NR2C1: variants seen among roughly 807,000 people sequenced by gnomAD.
NR2C1 encodes the protein TR2 nuclear hormone receptor.
NR2C1 carries 33 observed loss-of-function variants against 74.8 expected under a neutral mutation model. The ratio of observed to expected loss-of-function variants is 0.44; its 90% CI spans 0.33 to 0.59. The LOEUF is 0.59. Among genes scored for constraint, NR2C1 ranks in the 20% least tolerant of loss-of-function variants. The probability of loss-of-function intolerance (pLI) is 0.02; values close to 1 mark genes in which losing one functional copy is unlikely to be tolerated. For synonymous variants in NR2C1, 225 were observed against 240.6 expected, an observed-to-expected ratio of 0.94 and a Z score of 0.60; for missense variants, 568 against 715.6, an observed-to-expected ratio of 0.79 and a Z score of 2.35.
rs555536752 is a variant in NR2C1 at position 95,023,136 on chromosome 12, AAT to A, written c.1638-735_1638-734del. On this transcript the variant is annotated intron_variant, in intron 13 of 13. Transcript: ENST00000333003. ...GTGAAACCTCATCTCTACTAAAAAA[AAT>A]AATAATAAAATAAAATAAAATCAGC... Among the ~76,000 whole-genome samples the A allele has an allele frequency of 3.5e-3, 535 of 152,098 alleles. 4 individuals are homozygous for A. The highest frequency in any genetic ancestry group is 0.012 in the African/African-American group (511 of 41,472).
rs1393574215 is a variant in NR2C1 at position 95,058,126 on chromosome 12, G to A, written c.544+184C>T. ...ACTACAAATACGTGCTTTTTACACAGGTATTCAATAAATATTAGTTGAATA... is the reference window on the plus strand; with the variant it reads ...ACTACAAATACGTGCTTTTTACACAAGTATTCAATAAATATTAGTTGAATA... On this transcript the variant is annotated intron_variant, in intron 5 of 13. Coordinates refer to ENST00000333003, the MANE Select transcript of NR2C1 (RefSeq NM_003297.4). 9.4e-6 allele frequency: 6 copies of A among 638,080 alleles called. No homozygotes were observed. The Admixed American group carries it at 2.0e-4, about 21-fold the overall frequency. 39.5% of individuals were successfully genotyped at this position (638,080 alleles called of 1,614,324 possible).
At chr12:95,068,100 G>T (rs578207874) in intron 1 of NR2C1, among the ~76,000 whole-genome samples, 52 of 152,124 alleles carry the variant, frequency 3.4e-4, no homozygotes, top group African/African-American at 1.2e-3. Context: ...GGATGGCCTT[G>T]ATCTCCTGAC....
chr12:95,067,581 T>A (rs835060), intron 1 of NR2C1, among the ~76,000 whole-genome samples, 190 bp from the exon 2 acceptor site: 37,224 of 151,660 alleles, frequency 0.25, 4,786 homozygotes, highest in African/African-American at 0.3. Context: ...TTTTATTTTT[T>A]TTTTTTTTAA....
intron 1 of NR2C1, among the ~76,000 whole-genome samples, chr12:95,072,080 G>A (rs1033539986): frequency 1.3e-5 from 2 of 149,730 alleles, no homozygotes; most frequent in African/African-American, 4.9e-5. Flanking sequence ...AATACACATC[G>A]CTTTTTCAGA....
intron 1 of NR2C1, among the ~76,000 whole-genome samples, chr12:95,071,749 C>CT (rs780957499): frequency 0.015 from 2,142 of 141,516 alleles, 38 homozygotes; most frequent in African/African-American, 0.042. Flanking sequence ...ATAAAACCCA[C>CT]TTTTTTTTTT....
chr12:95,030,369 T>C (rs886692936), intron 11 of NR2C1: 2 of 974,140 alleles, frequency 2.1e-6, no homozygotes. Flanking sequence ...AACAGATATT[T>C]AGTAAAAACA....
intron 8 of NR2C1, among the ~76,000 whole-genome samples, chr12:95,050,274 G>T (rs1872799892): frequency 6.6e-6 from 1 of 152,052 alleles, no homozygotes. Context: ...ATTACTTATT[G>T]TGACTCTTAA....
At chr12:95,054,752 T>TTTTTA (rs746391499) in intron 7 of NR2C1, among the ~76,000 whole-genome samples, 1 of 152,198 alleles carries the variant, frequency 6.6e-6, no homozygotes, top group Non-Finnish European at 1.5e-5. Flanking sequence ...ACTAGATTCT[T>TTTTTA]TTTTATTTTA....
intron 1 of NR2C1, among the ~76,000 whole-genome samples, chr12:95,071,401 ATGGTCTTGTCAC>A (rs1163582819): frequency 1.3e-5 from 2 of 152,206 alleles, no homozygotes; most frequent in Non-Finnish European, 2.9e-5. Flanking sequence ...GAGGCTGTAG[ATGGTCTTGTCAC>A]TGAAAAACGG....
At chr12:95,043,730 A>G (rs898316176) in intron 9 of NR2C1, among the ~76,000 whole-genome samples, 1 of 151,798 alleles carries the variant, frequency 6.6e-6, no homozygotes. Context: ...TTAAAATTGC[A>G]TTTAAATAAA....
chr12:95,051,898 T>C lies in NR2C1; in HGVS notation c.829A>G (p.Thr277Ala), dbSNP rs1041537399. The change falls in exon 8 of 14, where the codon ACA becomes GCA. Residue 277 changes from threonine (T) to alanine (A), a missense_variant. Transcript: ENST00000333003. ...GTTTTTCCAAGATTCGCTAATGATGTAACCACATTGGCCAATGTACTTAAA... is the reference window on the plus strand; with the variant it reads ...GTTTTTCCAAGATTCGCTAATGATGCAACCACATTGGCCAATGTACTTAAA... ...GDLSTLANVV[T>A]SLANLGKTKD... 2 of 1,609,704 alleles carry C rather than the reference T, an allele frequency of 1.2e-6. No homozygotes were observed. Among genetic ancestry groups the C allele is most frequent in the Non-Finnish European group, 1.7e-6 (2 of 1,179,074 alleles).
At chr12:95,048,754 A>G (rs1872621790) in intron 9 of NR2C1, among the ~76,000 whole-genome samples, 1 of 151,326 alleles carries the variant, frequency 6.6e-6, no homozygotes, top group African/African-American at 2.4e-5. Context: ...CCTCCCGAGT[A>G]GCTGGGATTA....
At chr12:95,046,436 A>T (rs998955109) in intron 9 of NR2C1, among the ~76,000 whole-genome samples, 1 of 152,158 alleles carries the variant, frequency 6.6e-6, no homozygotes, top group Non-Finnish European at 1.5e-5. Context: ...AAAATTTTTT[A>T]AATTAGCTGG....
chr12:95,031,610 T>C (rs1870118971), intron 10 of NR2C1, 122 bp from the exon 11 acceptor site: 1 of 694,570 alleles, frequency 1.4e-6, no homozygotes, highest in East Asian at 3.3e-5. Context: ...CTAGAAAGAT[T>C]TGAGCAAGTC....
At chr12:95,071,665 A>G (rs1201114906) in intron 1 of NR2C1, among the ~76,000 whole-genome samples, 1 of 152,114 alleles carries the variant, frequency 6.6e-6, no homozygotes, top group African/African-American at 2.4e-5. Context: ...CACCATTTCT[A>G]TAAAACAAAA....
Position 95,062,672 on chromosome 12 carries a change from C to G in NR2C1, c.121G>C (p.Gly41Arg). 1 of 1,614,132 alleles carries G rather than the reference C, an allele frequency of 6.2e-7. No individual in the cohort carries two copies. Among genetic ancestry groups the G allele is most frequent in the Non-Finnish European group, 8.5e-7 (1 of 1,180,026 alleles). ...IVTALDHNTQ[G>R]KQFILTNHDG... is the part of the protein sequence containing the mutation. Reference sequence around the variant, plus strand: ...TGATTTGTCAGAATGAACTGCTTGCCTTGGGTATTATGATCAAGTGCTGTC... The same window carrying G: ...TGATTTGTCAGAATGAACTGCTTGCGTTGGGTATTATGATCAAGTGCTGTC... The change falls in exon 3 of 14, where the codon GGC becomes CGC. Residue 41 changes from glycine (G) to arginine (R), a missense_variant. Gly to Arg is a moderately radical substitution (Grantham distance 125, BLOSUM62 -2). This residue lies in a region of NR2C1 where 128 missense variants were observed against 118.9 expected (regional missense o/e 1.08). Transcript: ENST00000333003.
At chr12:95,030,538 C>G in intron 11 of NR2C1, 1 of 1,607,866 alleles carries the variant, frequency 6.2e-7, no homozygotes, top group Admixed American at 1.7e-5. Flanking sequence ...AAGACATGAA[C>G]CAGGGGTAGG....
At chr12:95,066,077 CCAAA>C (rs1244255923) in intron 2 of NR2C1, among the ~76,000 whole-genome samples, 6 of 151,968 alleles carry the variant, frequency 3.9e-5, no homozygotes, top group African/African-American at 1.2e-4. Context: ...AGTTTATTTT[CCAAA>C]CAAACAAAAA....
chr12:95,045,935 G>C (rs1216086697), intron 9 of NR2C1, among the ~76,000 whole-genome samples: 1 of 152,026 alleles, frequency 6.6e-6, no homozygotes, highest in South Asian at 2.1e-4. Context: ...GCCTCCCCGG[G>C]TTCAAGCAAT....
Sources: allele counts gnomAD v4.1 joint callset (sites outside exome capture counted in the v4.1 genomes callset), GRCh38; gene constraint gnomAD v4.1.1; regional missense constraint gnomAD v4.1.1; transcripts MANE v1.5; gene names NCBI Gene and HGNC (gene_info 2026-07-23, HGNC 2026-07-21).